Variants in CHD7 observed in about 807,000 individuals in gnomAD.
CHD7 encodes ATP-dependent chromatin remodeler CHD7.
In CHD7, 24 loss-of-function variants were observed where a neutral mutation model predicts 307.3. The observed-to-expected ratio is 0.08, with a 90% CI of 0.06 to 0.11. The LOEUF is 0.11. CHD7 is among the 10% of genes least tolerant of loss of function. The pLI, the probability that CHD7 is intolerant of heterozygous loss-of-function variation, is 1.00. For synonymous variants in CHD7, 1,363 were observed against 1,349.9 expected, an observed-to-expected ratio of 1.01 and a Z score of -0.21; for missense variants, 3,106 against 3,727.1, an observed-to-expected ratio of 0.83 and a Z score of 4.34.
rs530342354 is a variant in CHD7, at chr8:60,807,264, A to G, written c.2443-953A>G. ...TTCGGAGGTGGCTGAACAGCCATAC[A>G]TGACCCTCAAGGCAGGCTTGGGGTC... On this transcript the variant is annotated intron_variant, in intron 6 of 37. Coordinates refer to ENST00000423902, the MANE Select transcript of CHD7 (RefSeq NM_017780.4). Among the ~76,000 whole-genome samples, 139 of 152,338 alleles carry G rather than the reference A, an allele frequency of 9.1e-4. 1 individual carries two copies. The highest frequency in any genetic ancestry group is 1.5e-3 in the Non-Finnish European group (105 of 68,032).
At chr8:60,736,411 G>A (rs1808714029) in intron 1 of CHD7, among the ~76,000 whole-genome samples, 1 of 152,176 alleles carries the variant, frequency 6.6e-6, no homozygotes, top group Non-Finnish European at 1.5e-5. Flanking sequence ...CCACCTACCA[G>A]TGTGTGGATT....
At chr8:60,790,473 CT>C (rs1811720272) in intron 3 of CHD7, among the ~76,000 whole-genome samples, 1 of 152,188 alleles carries the variant, frequency 6.6e-6, no homozygotes, top group African/African-American at 2.4e-5. Context: ...AGGTTTCACT[CT>C]ATTTTTTTGA....
rs570770574 is a variant in CHD7, at chr8:60,850,025, A to G, written c.5405-468A>G. ...ACTGACATGCATCATCCTAAACCTA[A>G]TAAGACAGGTTCGCTGGCCTTATGT... On this transcript the variant is annotated intron_variant, in intron 25 of 37. Transcript: ENST00000423902. Among the ~76,000 whole-genome samples the G allele has an allele frequency of 7.9e-5, 12 of 152,250 alleles. No individual in the cohort carries two copies. In the South Asian group the frequency reaches 1.4e-3, roughly 18 times the overall value.
chr8:60,825,157 A>G (rs555390328), intron 13 of CHD7: 39 of 152,248 alleles, frequency 2.6e-4, no homozygotes, highest in Middle Eastern at 3.4e-3. Flanking sequence ...CTGTATATTC[A>G]TGGCCATATG....
intron 2 of CHD7, among the ~76,000 whole-genome samples, chr8:60,772,198 T>A (rs1402676253): frequency 6.6e-6 from 1 of 152,210 alleles, no homozygotes; most frequent in Admixed American, 6.5e-5. Context: ...GTGTGTAAAT[T>A]AACTTTATCA....
intron 1 of CHD7, among the ~76,000 whole-genome samples, chr8:60,711,236 A>G (rs879310493): frequency 1.3e-5 from 2 of 152,208 alleles, no homozygotes; most frequent in Admixed American, 1.3e-4. Flanking sequence ...AGGCTTAATT[A>G]TAGTCCCACA....
At chr8:60,852,452 G>T in intron 29 of CHD7, 46 bp from the exon 30 acceptor site, 1 of 1,526,126 alleles carries the variant, frequency 6.6e-7, no homozygotes, top group Non-Finnish European at 9.0e-7. Flanking sequence ...TAAATATTAA[G>T]TCTTTTCCTG....
At chr8:60,771,830 A>G (rs921469281) in intron 2 of CHD7, among the ~76,000 whole-genome samples, 3 of 152,214 alleles carry the variant, frequency 2.0e-5, no homozygotes, top group Non-Finnish European at 4.4e-5. Context: ...GTTCTGCACC[A>G]TGTTGGGTTC....
At chr8:60,800,274 C>T (rs1300656229) in intron 4 of CHD7, 114 bp from the exon 5 acceptor site, 34 of 947,334 alleles carry the variant, frequency 3.6e-5, no homozygotes, top group East Asian at 5.9e-5. Flanking sequence ...CCTTGTGATC[C>T]GCCCGCCTCG....
chr8:60,679,458 C>G, intron 1 of CHD7: 1 of 119,620 alleles, frequency 8.4e-6, no homozygotes, highest in African/African-American at 3.0e-5. Flanking sequence ...GTACGGGGGA[C>G]AGGAGGGAGC....
intron 3 of CHD7, among the ~76,000 whole-genome samples, chr8:60,788,114 C>G (rs1391928704): frequency 6.6e-6 from 1 of 151,506 alleles, no homozygotes; most frequent in African/African-American, 2.4e-5. Flanking sequence ...GATCACTGCA[C>G]CCAGCCCCAG....
At chr8:60,798,678 T>C (rs565983071) in intron 4 of CHD7, among the ~76,000 whole-genome samples, 4 of 152,304 alleles carry the variant, frequency 2.6e-5, no homozygotes, top group Admixed American at 2.6e-4. Context: ...TTAAAAAGTG[T>C]TATTTCATAA....
chr8:60,760,680 A>T (rs1275639307), intron 2 of CHD7, among the ~76,000 whole-genome samples: 3 of 151,156 alleles, frequency 2.0e-5, no homozygotes, highest in African/African-American at 7.3e-5. Context: ...AAAAGTGGAC[A>T]AAGGACATGA....
In CHD7 at chr8:60,865,431, C is replaced by G. The variant is rs1399809223; in HGVS notation, c.8492C>G (p.Ser2831Cys). 1 of 1,613,976 alleles carries G rather than the reference C, an allele frequency of 6.2e-7. No individual in the cohort carries two copies. The highest frequency in any genetic ancestry group is 1.7e-5 in the Admixed American group (1 of 60,028). ...SAATGNTTTA[S>C]SQGEPEDSTS... ...GCTACTGGAAACACCACTACTGCTTCTAGTCAAGGAGAACCGGAAGACAGC... is the reference window on the plus strand; with the variant it reads ...GCTACTGGAAACACCACTACTGCTTGTAGTCAAGGAGAACCGGAAGACAGC... The change falls in exon 38 of 38, where the codon TCT (serine) becomes TGT (cysteine). Residue 2831 changes from serine to cysteine, a missense_variant. Around this residue, in one of 10 missense-constraint regions of CHD7, gnomAD observed 351 missense variants for 366.2 expected, o/e 0.96. Coordinates refer to ENST00000423902, the MANE Select transcript of CHD7 (RefSeq NM_017780.4). The surrounding 1 kb of genome is among the most constrained non-coding windows in gnomAD (Gnocchi z 4.3).
At chr8:60,788,610 A>AGGGGCTTT (rs1385136859) in intron 3 of CHD7, among the ~76,000 whole-genome samples, 1 of 152,134 alleles carries the variant, frequency 6.6e-6, no homozygotes, top group African/African-American at 2.4e-5. Flanking sequence ...GCTGGGGCTT[A>AGGGGCTTT]GGAGTTGAGG....
rs200806228 is a variant in CHD7 at position 60,853,500 on chromosome 8, G to A, written c.6775G>A (p.Ala2259Thr). The A allele has an allele frequency of 1.5e-4, 226 of 1,510,320 alleles. 2 individuals are homozygous for A. The Middle Eastern group carries it at 1.7e-3, about 11-fold the overall frequency. 93.6% of individuals were successfully genotyped at this position (1,510,320 alleles called of 1,614,324 possible). The change falls in exon 31 of 38, where the codon GCA becomes ACA. Residue 2259 changes from alanine to threonine, a missense_variant and splice_region_variant. Physicochemically the swap from Ala to Thr is moderately conservative, Grantham distance 58 (BLOSUM62 0). Transcript: ENST00000423902. ...GTCGGAAGAGTCTTCCCAGCCCGAA[G>A]GTAAGGCCTTACCACTGGCCCCTCT... ...DKSEESSQPE[A>T]GAVSRGKNFD...
rs1400416909 is a variant in CHD7, at chr8:60,735,716, A to G, written c.-174-5543A>G. On this transcript the variant is annotated intron_variant, in intron 1 of 37. Coordinates refer to ENST00000423902, the MANE Select transcript of CHD7 (RefSeq NM_017780.4). ...AATACTAATCTCTGAAAGAGGAGAA[A>G]ATATTTTTTATGAAAGAGGATTGCT... is the stretch of plus-strand genomic sequence containing the variant. Among the ~76,000 whole-genome samples, 4 of 152,350 alleles carry G rather than the reference A, an allele frequency of 2.6e-5. No homozygotes were observed. The East Asian group carries it at 7.7e-4, about 29-fold the overall frequency.
chr8:60,722,190 G>A (rs1441068182), intron 1 of CHD7, among the ~76,000 whole-genome samples: 1 of 152,158 alleles, frequency 6.6e-6, no homozygotes, highest in Non-Finnish European at 1.5e-5. Context: ...AGGCAGTTTA[G>A]CTAAGAAGCC....
chr8:60,727,940 A>T (rs1808255115), intron 1 of CHD7, among the ~76,000 whole-genome samples: 1 of 152,190 alleles, frequency 6.6e-6, no homozygotes, highest in Non-Finnish European at 1.5e-5. Context: ...CCTCGTTGTC[A>T]TCCCAGACTC....
Sources: gnomAD v4.1 joint callset for allele counts (sites outside exome capture counted in the v4.1 genomes callset) on GRCh38, gnomAD v4.1.1 for gene constraint, gnomAD v4.1.1 regional missense constraint, Gnocchi (gnomAD v3.1) non-coding constraint, MANE v1.5 for transcripts, NCBI Gene and HGNC (gene_info 2026-07-23, HGNC 2026-07-21) for gene names.